Variants in LRP5 observed in about 807,000 individuals in gnomAD.
The protein encoded by LRP5 is LDL receptor related protein 5, also known as low-density lipoprotein receptor-related protein 5.
In LRP5, 62 loss-of-function variants were observed where a neutral mutation model predicts 154.1. The ratio of observed to expected loss-of-function variants is 0.40; its 90% confidence interval spans 0.33 to 0.50. LRP5 has a LOEUF of 0.50. Ranked by LOEUF, LRP5 falls within the 20% of genes least tolerant of loss-of-function variation. The pLI is 0.55. For missense variants in LRP5, 1,915 were observed against 2,336.7 expected (o/e 0.82, Z 3.72); for synonymous variants, 966 against 1,011.5 (o/e 0.96, Z 0.85).
chr11:68,437,919 GA>G (rs1308578166), intron 19 of LRP5, among the ~76,000 whole-genome samples: 2 of 152,252 alleles, frequency 1.3e-5, no homozygotes, highest in African/African-American at 4.8e-5. Flanking sequence ...ACGCCCTCAG[GA>G]TCGCTGGGCC....
chr11:68,419,612 T>G (rs1259422743), intron 13 of LRP5, among the ~76,000 whole-genome samples: 2 of 151,228 alleles, frequency 1.3e-5, no homozygotes, highest in Non-Finnish European at 2.9e-5. Flanking sequence ...TGGTATCAAC[T>G]CACTGCAACC....
chr11:68,389,274 A>G (rs1418448374), intron 6 of LRP5, among the ~76,000 whole-genome samples: 1 of 93,358 alleles, frequency 1.1e-5, no homozygotes, highest in South Asian at 3.6e-4. Context: ...CAACACTGAC[A>G]TTTACCAACA....
At chr11:68,417,155 T>C (rs2153169724) in intron 13 of LRP5, among the ~76,000 whole-genome samples, 1 of 152,136 alleles carries the variant, frequency 6.6e-6, no homozygotes, top group South Asian at 2.1e-4. Flanking sequence ...GGCTTATGAG[T>C]GTGGAAGGGT....
chr11:68,351,570 C>A (rs1411595282), intron 2 of LRP5, among the ~76,000 whole-genome samples: 3 of 152,084 alleles, frequency 2.0e-5, no homozygotes, highest in Non-Finnish European at 2.9e-5. Flanking sequence ...GTCGCCAGGA[C>A]CTGCGCTCCT....
chr11:68,432,055 C>A (rs2098672238), intron 17 of LRP5, among the ~76,000 whole-genome samples: 1 of 152,220 alleles, frequency 6.6e-6, no homozygotes, highest in African/African-American at 2.4e-5. Context: ...AGGAGCCAGG[C>A]TGGGCAAGAG....
chr11:68,326,120 G>A (rs756894888), intron 1 of LRP5, among the ~76,000 whole-genome samples: 1 of 152,156 alleles, frequency 6.6e-6, no homozygotes, highest in Admixed American at 6.5e-5. Context: ...AGCTGGCCTC[G>A]GCATTTATTT....
intron 5 of LRP5, among the ~76,000 whole-genome samples, chr11:68,381,209 T>C (rs757578973): frequency 4.6e-5 from 7 of 152,136 alleles, no homozygotes; most frequent in Non-Finnish European, 7.4e-5. Flanking sequence ...CCCTGGAGCC[T>C]TCGGAGGGAG....
At chr11:68,431,815 C>T (rs1374928709) in intron 17 of LRP5, among the ~76,000 whole-genome samples, 3 of 152,264 alleles carry the variant, frequency 2.0e-5, no homozygotes, top group Non-Finnish European at 4.4e-5. Context: ...GAACGCTGCA[C>T]TAACTGCAGC....
At chr11:68,445,467 C>T (rs549018918) in intron 21 of LRP5, 89 of 477,878 alleles carry the variant, frequency 1.9e-4, no homozygotes, top group Non-Finnish European at 2.8e-4. Context: ...GGACTTCACC[C>T]GGGTCTGTCT....
chr11:68,377,032 G>A (rs1271900347), intron 5 of LRP5, among the ~76,000 whole-genome samples: 1 of 152,166 alleles, frequency 6.6e-6, no homozygotes, highest in African/African-American at 2.4e-5. Context: ...TGTAATCCCA[G>A]CACTTTAGGA....
At chr11:68,419,398 G>T (rs1326085587) in intron 13 of LRP5, among the ~76,000 whole-genome samples, 1 of 151,292 alleles carries the variant, frequency 6.6e-6, no homozygotes, top group African/African-American at 2.4e-5. Context: ...ACATCTGGCT[G>T]ATTTTTTGTA....
At chr11:68,446,829 G>A (rs1334420933) in intron 22 of LRP5, among the ~76,000 whole-genome samples, 1 of 152,208 alleles carries the variant, frequency 6.6e-6, no homozygotes, top group Non-Finnish European at 1.5e-5. Flanking sequence ...GCGTCGAGGG[G>A]CCGGGGGCTT....
At position 68,386,216 on chromosome 11, in the gene LRP5, G is replaced by A; in HGVS notation, c.1016-100G>A. The A allele has an allele frequency of 2.1e-6, 3 of 1,458,950 alleles. No individual in the cohort carries two copies. The highest frequency in any genetic ancestry group is 1.1e-5 in the South Asian group (1 of 87,110). 90.4% of individuals were successfully genotyped at this position (1,458,950 alleles called of 1,614,324 possible). ...CCAGCCTTTGCAAGGAGAGCCCTGG[G>A]GGCCTGGCTGAGTATTTCCCTTGCC... On this transcript the variant is annotated intron_variant, in intron 5 of 22. Coordinates refer to ENST00000294304, the MANE Select transcript of LRP5 (RefSeq NM_002335.4). This position sits in a 1 kb window ranked among gnomAD's most constrained non-coding sequence, Gnocchi z 7.9.
At chr11:68,411,181 C>T (rs543873210) in intron 10 of LRP5, among the ~76,000 whole-genome samples, 67 of 152,244 alleles carry the variant, frequency 4.4e-4, no homozygotes, top group Middle Eastern at 6.8e-3. Flanking sequence ...TTTTTGTGTC[C>T]GTAAGTGGGT....
At chr11:68,328,552 C>T (rs191445527) in intron 1 of LRP5, among the ~76,000 whole-genome samples, 2 of 152,268 alleles carry the variant, frequency 1.3e-5, no homozygotes, top group East Asian at 3.9e-4. Context: ...GCTGGGACGT[C>T]CCACCTCCTC....
Position 68,348,206 on chromosome 11 carries a change from G to C in LRP5, c.451G>C (p.Asp151His), listed in dbSNP as rs2098615023. 1 of 1,609,996 alleles carries C rather than the reference G, an allele frequency of 6.2e-7. No homozygotes were observed. Among genetic ancestry groups the C allele is most frequent in the Admixed American group, 1.7e-5 (1 of 60,016 alleles). ...GAAGGTGCTCTTCTGGCAGGACCTT[G>C]ACCAGCCGAGGGCCATCGCCTTGGA... ...SRKVLFWQDL[D>H]QPRAIALDPA... The change falls in exon 2 of 23, where the codon GAC becomes CAC. Residue 151 changes from aspartate to histidine, a missense_variant. Physicochemically the swap from Asp to His is moderately conservative, Grantham distance 81. This residue lies in a region of LRP5 where 773 missense variants were observed against 1,100.9 expected (regional missense o/e 0.70). Coordinates refer to ENST00000294304, the MANE Select transcript of LRP5 (RefSeq NM_002335.4).
chr11:68,334,216 A>G (rs2098604426), intron 1 of LRP5, among the ~76,000 whole-genome samples: 3 of 152,196 alleles, frequency 2.0e-5, no homozygotes, highest in Admixed American at 1.3e-4. Context: ...CCTGGGCAAC[A>G]GAGTAAGACT....
intron 17 of LRP5, among the ~76,000 whole-genome samples, chr11:68,432,128 GCGCCCCTGGCTCTGGCCCC>G (rs1239834083): frequency 6.6e-6 from 1 of 152,134 alleles, no homozygotes; most frequent in Non-Finnish European, 1.5e-5. Context: ...TGAGCCGGGC[GCGCCCCTGGCTCTGGCCCC>G]AGTGTCCCAG....
At chr11:68,444,826 T>G (rs992049132) in intron 21 of LRP5, among the ~76,000 whole-genome samples, 2 of 152,064 alleles carry the variant, frequency 1.3e-5, no homozygotes, top group African/African-American at 4.8e-5. Flanking sequence ...CCCTCTCTGC[T>G]GCCTCCCTGC....
Sources: gnomAD v4.1 joint callset for allele counts (sites outside exome capture counted in the v4.1 genomes callset) on GRCh38, gnomAD v4.1.1 for gene constraint, gnomAD v4.1.1 regional missense constraint, Gnocchi (gnomAD v3.1) non-coding constraint, MANE v1.5 for transcripts, NCBI Gene and HGNC (gene_info 2026-07-23, HGNC 2026-07-21) for gene names.